CARMIL1: variants seen among roughly 807,000 people sequenced by gnomAD.
The protein encoded by CARMIL1 is F-actin-uncapping protein LRRC16A.
CARMIL1 carries 90 observed loss-of-function variants against 177.1 expected under a neutral mutation model. The observed-to-expected ratio is 0.51, with a 90% CI of 0.43 to 0.61. CARMIL1 has a LOEUF of 0.61. CARMIL1 is among the 20% of genes least tolerant of loss of function. The pLI is 0.00. For missense variants in CARMIL1, 1,380 were observed against 1,667.0 expected, an observed-to-expected ratio of 0.83 and a Z score of 3.00; for synonymous variants, 577 against 606.2, an observed-to-expected ratio of 0.95 and a Z score of 0.71.
chr6:25,442,063 G>A (rs184113438), intron 5 of CARMIL1, among the ~76,000 whole-genome samples: 2 of 152,166 alleles, frequency 1.3e-5, no homozygotes, highest in African/African-American at 2.4e-5. Context: ...GTAGCCTTTT[G>A]TTGTGGTGTG....
intron 2 of CARMIL1, among the ~76,000 whole-genome samples, chr6:25,418,412 A>C (rs1453395323): frequency 6.6e-6 from 1 of 152,122 alleles, no homozygotes; most frequent in Non-Finnish European, 1.5e-5. Context: ...CCTACAGATT[A>C]TGTAGCCAGT....
At chr6:25,396,213 A>G (rs903149778) in intron 2 of CARMIL1, among the ~76,000 whole-genome samples, 2 of 152,146 alleles carry the variant, frequency 1.3e-5, no homozygotes, top group Admixed American at 6.5e-5. Flanking sequence ...AAGCCACAAC[A>G]TTATAAATAC....
intron 2 of CARMIL1, among the ~76,000 whole-genome samples, chr6:25,288,481 T>G (rs2150136813): frequency 6.6e-6 from 1 of 151,668 alleles, no homozygotes; most frequent in South Asian, 2.1e-4. Context: ...GAATCAGGTT[T>G]TTTTTTTTTT....
At chr6:25,553,949 G>A in intron 27 of CARMIL1, 60 bp from the exon 28 acceptor site, 2 of 1,068,372 alleles carry the variant, frequency 1.9e-6, no homozygotes, top group Admixed American at 4.0e-5. Flanking sequence ...AGCAAGGGTG[G>A]ATCATTTTCC....
intron 16 of CARMIL1, among the ~76,000 whole-genome samples, chr6:25,496,064 A>G (rs185594905): frequency 7.2e-5 from 11 of 152,340 alleles, no homozygotes; most frequent in Admixed American, 6.5e-5. Context: ...TCATCTTACT[A>G]GAAAATTAAG....
In CARMIL1 at chr6:25,550,902, C is replaced by T. The variant is rs759596633; in HGVS notation, c.2329-8C>T. On this transcript the variant is annotated splice_region_variant and splice_polypyrimidine_tract_variant and intron_variant, in intron 26 of 36. Transcript: ENST00000329474. ...TCATCTCTTCCCTTCACTTGTGCTG[C>T]ATTGCAGGCGTTGCTTGAGTCCATG... The T allele has an allele frequency of 3.1e-6, 5 of 1,611,556 alleles. No individual in the cohort carries two copies. In the Admixed American group the frequency reaches 6.7e-5, roughly 22 times the overall value.
At chr6:25,563,269 G>A (rs78666786) in intron 29 of CARMIL1, 1 of 985,276 alleles carries the variant, frequency 1.0e-6, no homozygotes, top group African/African-American at 1.7e-5. Flanking sequence ...TGTCAAAAAA[G>A]CTCCAAATTA....
At chr6:25,321,463 T>C (rs1194833320) in intron 2 of CARMIL1, among the ~76,000 whole-genome samples, 1 of 152,126 alleles carries the variant, frequency 6.6e-6, no homozygotes, top group Non-Finnish European at 1.5e-5. Flanking sequence ...TAATGGTGAA[T>C]GCATACTGTT....
chr6:25,584,945 A>G (rs1813496998), intron 31 of CARMIL1, among the ~76,000 whole-genome samples: 1 of 152,178 alleles, frequency 6.6e-6, no homozygotes, highest in Non-Finnish European at 1.5e-5. Context: ...TGAAGCCAGG[A>G]CTCACAGGGT....
intron 29 of CARMIL1, among the ~76,000 whole-genome samples, chr6:25,574,883 G>C (rs1008399082): frequency 3.3e-5 from 5 of 151,476 alleles, no homozygotes; most frequent in Non-Finnish European, 5.9e-5. Flanking sequence ...CTTATTAATG[G>C]CCCCCCTCCT....
intron 8 of CARMIL1, among the ~76,000 whole-genome samples, chr6:25,458,995 G>T (rs1056315339): frequency 6.6e-6 from 1 of 151,828 alleles, no homozygotes; most frequent in Non-Finnish European, 1.5e-5. Flanking sequence ...TAATTGAAAA[G>T]AAAAATAAAG....
chr6:25,524,494 T>C (rs1192430716), intron 23 of CARMIL1, among the ~76,000 whole-genome samples: 3 of 152,206 alleles, frequency 2.0e-5, no homozygotes, highest in Non-Finnish European at 4.4e-5. Context: ...GCCCAGCTCT[T>C]AGCCAGTTAA....
In CARMIL1 at chr6:25,617,444, A is replaced by T. The variant is rs180919397; in HGVS notation, c.3980-2003A>T. Among the ~76,000 whole-genome samples the T allele has an allele frequency of 1.1e-3, 167 of 152,342 alleles. 1 individual carries two copies. The highest frequency in any genetic ancestry group is 1.8e-3 in the Admixed American group (27 of 15,302). On this transcript the variant is annotated intron_variant, in intron 36 of 36. Coordinates refer to ENST00000329474, the MANE Select transcript of CARMIL1 (RefSeq NM_017640.6). ...AATGAAAAGCTTGATTATCCTTTAA[A>T]TCTAAGAATTAGAACAAATATATTT...
chr6:25,312,222 T>A (rs978981569), intron 2 of CARMIL1, among the ~76,000 whole-genome samples: 8 of 152,310 alleles, frequency 5.3e-5, no homozygotes, highest in African/African-American at 1.9e-4. Flanking sequence ...GCACCCAAGG[T>A]TTATAGAACT....
chr6:25,556,902 TTG>T, intron 29 of CARMIL1, 52 bp downstream of exon 29: 6 of 1,468,796 alleles, frequency 4.1e-6, no homozygotes, highest in South Asian at 2.5e-5. Flanking sequence ...GACTGTGCCA[TTG>T]TTTTTTTTTT....
At chr6:25,459,224 T>TTCTTTCTTTCTTTC (rs1799812790) in intron 8 of CARMIL1, among the ~76,000 whole-genome samples, 1 of 79,104 alleles carries the variant, frequency 1.3e-5, no homozygotes. Context: ...CTTTCTTTCT[T>TTCTTTCTTTCTTTC]TCTTTCTTTC....
rs10642536 is a variant in CARMIL1 at position 25,281,136 on chromosome 6, G to GCGCACACA, written c.40+1302_40+1303insGCACACAC. Among the ~76,000 whole-genome samples, 947 of 132,146 alleles carry GCGCACACA rather than the reference G, an allele frequency of 7.2e-3. 3 individuals are homozygous for GCGCACACA. The highest frequency in any genetic ancestry group is 0.023 in the Middle Eastern group (6 of 262). The allele number at this position is 132,146 out of a possible 152,430, so 86.7% of individuals were successfully genotyped here. On this transcript the variant is annotated intron_variant, in intron 1 of 36. Coordinates refer to ENST00000329474, the MANE Select transcript of CARMIL1 (RefSeq NM_017640.6). Reference sequence around the variant, plus strand: ...CAGACGCACGCGCGTGTGCGCGCGCGCACACACACACACACACACACACAC... The same window carrying GCGCACACA: ...CAGACGCACGCGCGTGTGCGCGCGCGCGCACACACACACACACACACACACACACACAC...
intron 2 of CARMIL1, among the ~76,000 whole-genome samples, chr6:25,293,060 A>G (rs1451741465): frequency 5.3e-5 from 8 of 151,594 alleles, no homozygotes. Flanking sequence ...AGGATAAAAG[A>G]TTTTTGTTCC....
chr6:25,448,208 A>G (rs1798427245), intron 5 of CARMIL1, among the ~76,000 whole-genome samples: 1 of 152,166 alleles, frequency 6.6e-6, no homozygotes, highest in African/African-American at 2.4e-5. Context: ...GTGCCCATCT[A>G]ATCATCACGT....
Sources: gnomAD v4.1 joint callset for allele counts (sites outside exome capture counted in the v4.1 genomes callset) on GRCh38, gnomAD v4.1.1 for gene constraint, MANE v1.5 for transcripts, NCBI Gene and HGNC (gene_info 2026-07-23, HGNC 2026-07-21) for gene names.